Variants in GAREM1 observed in about 807,000 individuals in gnomAD.
GAREM1 encodes GRB2-associated and regulator of MAPK protein 1.
In GAREM1, 26 loss-of-function variants were observed where a neutral mutation model predicts 71.3. The observed-to-expected ratio is 0.36, with a 90% confidence interval of 0.27 to 0.51. GAREM1 has a LOEUF of 0.51. Among genes scored for constraint, GAREM1 ranks in the 20% least tolerant of loss-of-function variants. The probability of loss-of-function intolerance (pLI) is 0.95; values close to 1 mark genes in which losing one functional copy is unlikely to be tolerated. For synonymous variants in GAREM1, 440 were observed against 433.2 expected, an observed-to-expected ratio of 1.02 and a Z score of -0.20; for missense variants, 1,026 against 1,103.1, an observed-to-expected ratio of 0.93 and a Z score of 0.99.
At position 32,361,493 on chromosome 18, in the gene GAREM1, T is replaced by G. The variant is rs936412891; in HGVS notation, c.262+31402A>C. ...TGAACAACTGGATCTTATTAACAATTTAATAATATAATTAACCACAAATTC... is the reference window on the plus strand; with the variant it reads ...TGAACAACTGGATCTTATTAACAATGTAATAATATAATTAACCACAAATTC... On this transcript the variant is annotated intron_variant, in intron 2 of 5. Transcript: ENST00000269209. Among the ~76,000 whole-genome samples the G allele has an allele frequency of 2.6e-5, 4 of 152,244 alleles. No homozygotes were observed. In the South Asian group the frequency reaches 8.3e-4, roughly 32 times the overall value.
chr18:32,268,267 A>C lies in GAREM1; in HGVS notation c.2235T>G (p.Pro745=). The C allele has an allele frequency of 3.1e-6, 5 of 1,613,990 alleles. No individual in the cohort carries two copies. Among genetic ancestry groups the C allele is most frequent in the Non-Finnish European group, 4.2e-6 (5 of 1,179,992 alleles). ...CTTCCTCAGCACCATCAATTTTCAG[A>C]GGCAAAGGAGATGTTTCGGAGGCGA... ...EKVASETSPL[P]LKIDGAEEDP... The change falls in exon 6 of 6, where the codon CCT becomes CCG. Residue 745 remains proline (P), a synonymous_variant. Coordinates refer to ENST00000269209, the MANE Select transcript of GAREM1 (RefSeq NM_001242409.2).
intron 1 of GAREM1, among the ~76,000 whole-genome samples, chr18:32,425,603 C>T (rs1008453451): frequency 1.9e-4 from 29 of 152,124 alleles, no homozygotes; most frequent in African/African-American, 7.0e-4. Context: ...GATAAAAATG[C>T]TAATTTTGAG....
At chr18:32,453,327 G>T (rs768158935) in intron 1 of GAREM1, among the ~76,000 whole-genome samples, 1 of 152,114 alleles carries the variant, frequency 6.6e-6, no homozygotes, top group Non-Finnish European at 1.5e-5. Flanking sequence ...TGAGATTTGG[G>T]CGGGGACACA....
chr18:32,306,463 A>AC lies in GAREM1; in HGVS notation c.393+3729dup, dbSNP rs35792232. ...GTGCATCACAGAATGTTTAGCAGCA[A>AC]CCCCCCCCACCCACTAAATGACAGT... is the stretch of plus-strand genomic sequence containing the variant. On this transcript the variant is annotated intron_variant, in intron 3 of 5. Transcript: ENST00000269209. Among the ~76,000 whole-genome samples the AC allele has an allele frequency of 6.3e-3, 868 of 136,884 alleles. 3 individuals carry two copies. The highest frequency in any genetic ancestry group is 8.8e-3 in the African/African-American group (298 of 33,928). The allele number at this position is 136,884 out of a possible 152,430, so 89.8% of individuals were successfully genotyped here. A position where few individuals can be genotyped will look rare whatever the true frequency, so the allele number is the denominator to read the frequency against.
chr18:32,376,858 TCAA>T (rs1333258010), intron 2 of GAREM1, among the ~76,000 whole-genome samples: 1 of 151,418 alleles, frequency 6.6e-6, no homozygotes. Flanking sequence ...AAAAAACAAA[TCAA>T]CAAACAAATA....
At position 32,267,124 on chromosome 18, in the gene GAREM1, A is replaced by G. The variant is rs1197717821; in HGVS notation, c.*747T>C. 6.6e-6 allele frequency: 1 copy of G among 152,222 alleles called. No individual in the cohort carries two copies. The highest frequency in any genetic ancestry group is 1.5e-5 in the Non-Finnish European group (1 of 68,042). 9.4% of individuals were successfully genotyped at this position (152,222 alleles called of 1,614,324 possible). The stretch of plus-strand genomic sequence containing the variant: ...GTTTAAAAGTGAACAGATGTTATCT[A>G]AAATATCAGAATCAAAATTATGTGT... On this transcript the variant is annotated 3_prime_UTR_variant, in exon 6 of 6. Transcript: ENST00000269209.
chr18:32,326,743 T>C (rs2047478366), intron 2 of GAREM1, among the ~76,000 whole-genome samples: 1 of 152,222 alleles, frequency 6.6e-6, no homozygotes, highest in Non-Finnish European at 1.5e-5. Context: ...CTCCCAATAC[T>C]TCATTTTCAT....
intron 2 of GAREM1, among the ~76,000 whole-genome samples, chr18:32,346,595 T>C (rs900561795): frequency 2.0e-5 from 3 of 152,202 alleles, no homozygotes; most frequent in Admixed American, 6.5e-5. Context: ...TGGGCTCTCC[T>C]TCAGGGTAGG....
At chr18:32,334,478 C>T (rs1017236721) in intron 2 of GAREM1, among the ~76,000 whole-genome samples, 4 of 152,054 alleles carry the variant, frequency 2.6e-5, no homozygotes, top group Non-Finnish European at 4.4e-5. Context: ...CAAGCGAAAG[C>T]CAGGAGGGTC....
chr18:32,274,570 G>C (rs1598921010), intron 4 of GAREM1, among the ~76,000 whole-genome samples: 1 of 152,232 alleles, frequency 6.6e-6, no homozygotes, highest in East Asian at 1.9e-4. Context: ...TGCCACCCAA[G>C]GCTCTGTGCG....
At chr18:32,452,922 G>GTGTC (rs142179389) in intron 1 of GAREM1, among the ~76,000 whole-genome samples, 1 of 151,570 alleles carries the variant, frequency 6.6e-6, no homozygotes, top group African/African-American at 2.4e-5. Context: ...AGGTATGTAT[G>GTGTC]TGTGTGTGTT....
rs537861192 is a variant in GAREM1 at position 32,392,346 on chromosome 18, G to A, written c.262+549C>T. Among the ~76,000 whole-genome samples the A allele has an allele frequency of 7.2e-5, 11 of 152,104 alleles. 1 individual carries two copies. The highest frequency in any genetic ancestry group is 3.9e-4 in the East Asian group (2 of 5,174). On this transcript the variant is annotated intron_variant, in intron 2 of 5. Coordinates refer to ENST00000269209, the MANE Select transcript of GAREM1 (RefSeq NM_001242409.2). Reference sequence around the variant, plus strand: ...TTATATGGCACTATTGCATTGAGTCGGGTTCAAAGTGAGGTGAGAAGGCAG... The same window carrying A: ...TTATATGGCACTATTGCATTGAGTCAGGTTCAAAGTGAGGTGAGAAGGCAG...
intron 1 of GAREM1, among the ~76,000 whole-genome samples, chr18:32,451,754 C>G (rs566219949): frequency 2.0e-4 from 31 of 152,174 alleles, no homozygotes; most frequent in Non-Finnish European, 3.2e-4. Context: ...AAAATCTGGG[C>G]CTTTCCCATA....
intron 1 of GAREM1, among the ~76,000 whole-genome samples, chr18:32,438,306 G>A (rs1375217158): frequency 6.6e-6 from 1 of 152,184 alleles, no homozygotes; most frequent in African/African-American, 2.4e-5. Flanking sequence ...GTGAATTGAT[G>A]GCTTCCATCC....
intron 2 of GAREM1, among the ~76,000 whole-genome samples, chr18:32,343,998 C>T (rs919628816): frequency 1.3e-5 from 2 of 152,138 alleles, no homozygotes; most frequent in Non-Finnish European, 2.9e-5. Context: ...CAGGTCATTC[C>T]TCGCTTTGTT....
At chr18:32,372,692 G>A (rs944904863) in intron 2 of GAREM1, among the ~76,000 whole-genome samples, 2 of 152,200 alleles carry the variant, frequency 1.3e-5, no homozygotes, top group Non-Finnish European at 1.5e-5. Flanking sequence ...GTGTGGTGTT[G>A]CAATGTCAAC....
At chr18:32,432,751 G>A (rs1382482168) in intron 1 of GAREM1, among the ~76,000 whole-genome samples, 1 of 152,110 alleles carries the variant, frequency 6.6e-6, no homozygotes, top group African/African-American at 2.4e-5. Context: ...AGAAGAAATA[G>A]ATGACTTGAA....
chr18:32,412,250 G>A, intron 1 of GAREM1: 2 of 1,569,366 alleles, frequency 1.3e-6, no homozygotes, highest in Non-Finnish European at 1.7e-6. Context: ...TACTGCTGCT[G>A]CTGGAACCGC....
chr18:32,380,778 G>T (rs79458945), intron 2 of GAREM1, among the ~76,000 whole-genome samples: 5,391 of 151,988 alleles, frequency 0.035, 142 homozygotes, highest in East Asian at 0.11. Flanking sequence ...TCTCTAGATG[G>T]CGCTGGGGTA....
Sources: gnomAD v4.1 joint callset for allele counts (sites outside exome capture counted in the v4.1 genomes callset) on GRCh38, gnomAD v4.1.1 for gene constraint, MANE v1.5 for transcripts, NCBI Gene and HGNC (gene_info 2026-07-23, HGNC 2026-07-21) for gene names.